Variants in SORCS2 observed in about 807,000 individuals in gnomAD.
SORCS2 encodes the protein sortilin related VPS10 domain containing receptor 2.
SORCS2 carries 100 observed loss-of-function variants against 141.6 expected under a neutral mutation model. The observed-to-expected ratio is 0.71, with a 90% CI of 0.60 to 0.83. The LOEUF is 0.83. SORCS2 is among the 40% of genes least tolerant of loss of function. The pLI, the probability that SORCS2 is intolerant of heterozygous loss-of-function variation, is 0.00. For missense variants in SORCS2, 1,646 were observed against 1,560.2 expected, an observed-to-expected ratio of 1.05 and a Z score of -0.93; for synonymous variants, 789 against 676.9, an observed-to-expected ratio of 1.17 and a Z score of -2.57.
chr4:7,298,156 G>A (rs540253302), intron 1 of SORCS2, among the ~76,000 whole-genome samples: 1 of 152,318 alleles, frequency 6.6e-6, no homozygotes, highest in South Asian at 2.1e-4. Context: ...GCGTGGCCTT[G>A]GAGGCTGTGT....
intron 3 of SORCS2, among the ~76,000 whole-genome samples, chr4:7,602,343 C>T (rs931630246): frequency 6.6e-6 from 1 of 151,758 alleles, no homozygotes; most frequent in Non-Finnish European, 1.5e-5. Context: ...GGCGGAGACG[C>T]TCCTCACTTC....
intron 8 of SORCS2, among the ~76,000 whole-genome samples, 157 bp downstream of exon 8, chr4:7,667,370 C>G (rs1373151520): frequency 6.6e-6 from 1 of 152,198 alleles, no homozygotes. Context: ...ACCCCTCACA[C>G]CCTCCATTCC....
intron 4 of SORCS2, among the ~76,000 whole-genome samples, chr4:7,638,930 G>T (rs996779301): frequency 6.6e-6 from 1 of 152,206 alleles, no homozygotes; most frequent in African/African-American, 2.4e-5. Context: ...GCGGTGGCTT[G>T]TTCTTCCCCA....
chr4:7,328,994 G>GC (rs907555051), intron 1 of SORCS2, among the ~76,000 whole-genome samples: 48 of 152,318 alleles, frequency 3.2e-4, no homozygotes, highest in African/African-American at 1.0e-3. Flanking sequence ...GAGGTGTGTG[G>GC]CCCCCCGAGG....
At chr4:7,195,421 C>T (rs890296027) in intron 1 of SORCS2, among the ~76,000 whole-genome samples, 8 of 151,948 alleles carry the variant, frequency 5.3e-5, no homozygotes. Flanking sequence ...TGTGGGTGTC[C>T]GTGGGGTCAG....
chr4:7,539,821 C>T (rs1275696274), intron 3 of SORCS2, among the ~76,000 whole-genome samples: 1 of 151,220 alleles, frequency 6.6e-6, no homozygotes, highest in African/African-American at 2.4e-5. Context: ...GTGGAGGCCC[C>T]ACCCCTTCCT....
intron 2 of SORCS2, among the ~76,000 whole-genome samples, chr4:7,437,489 C>T (rs1036855176): frequency 6.6e-6 from 1 of 152,124 alleles, no homozygotes; most frequent in Non-Finnish European, 1.5e-5. Flanking sequence ...CACCCCTTCC[C>T]AGAGGCCAGG....
chr4:7,520,857 AG>A (rs1733285055), intron 2 of SORCS2, among the ~76,000 whole-genome samples: 1 of 152,178 alleles, frequency 6.6e-6, no homozygotes, highest in African/African-American at 2.4e-5. Flanking sequence ...GCTGCAGTCA[AG>A]GTCCAGCTGC....
At chr4:7,420,786 A>G (rs1725989041) in intron 2 of SORCS2, among the ~76,000 whole-genome samples, 1 of 151,980 alleles carries the variant, frequency 6.6e-6, no homozygotes, top group South Asian at 2.1e-4. Context: ...GACCTTATCC[A>G]CCATGCCCCA....
Position 7,725,212 on chromosome 4 carries a change from G to A in SORCS2, c.2670G>A (p.Val890=). 6.2e-7 allele frequency: 1 copy of A among 1,613,632 alleles called. No individual in the cohort carries two copies. Among genetic ancestry groups the A allele is most frequent in the Non-Finnish European group, 8.5e-7 (1 of 1,179,662 alleles). The change falls in exon 20 of 27, where the codon GTG becomes GTA. Residue 890 remains valine, a synonymous_variant. Transcript: ENST00000507866. ...VVPVIGLNQE[V]NLTAVLLPLN... is the part of the protein sequence containing the mutation. ...CTGTCATTGGCCTCAACCAGGAGGT[G>A]AACCTCACAGCTGTGCTGCTTCCCT... is the stretch of plus-strand genomic sequence containing the variant.
chr4:7,192,936 G>A lies in SORCS2; in HGVS notation c.290G>A (p.Ser97Asn). Residue 97 changes from serine (S) to asparagine (N), a missense_variant, in exon 1 of 27, where the codon AGT becomes AAT. Ser to Asn is a conservative substitution (Grantham distance 46). Transcript: ENST00000507866. This position sits in a 1 kb window ranked among gnomAD's most constrained non-coding sequence, Gnocchi z 4.0. Reference protein sequence around the residue: ...RGTEPGAPGPSPGPAPGPGED... With the variant: ...RGTEPGAPGPNPGPAPGPGED... ...ACGGAGCCAGGCGCCCCGGGTCCGA[G>A]TCCCGGTCCCGCTCCTGGTCCCGGC... The A allele has an allele frequency of 3.1e-6, 4 of 1,291,230 alleles. No homozygotes were observed. 80.0% of individuals were successfully genotyped at this position (1,291,230 alleles called of 1,614,324 possible).
intron 2 of SORCS2, chr4:7,431,147 G>C (rs76781555): frequency 0.13 from 20,471 of 152,550 alleles, 1,466 homozygotes; most frequent in Non-Finnish European, 0.16. Context: ...TGGGTGTGCA[G>C]CTGGGCCTGT....
intron 1 of SORCS2, among the ~76,000 whole-genome samples, chr4:7,381,418 G>C (rs1168391417): frequency 1.3e-5 from 2 of 152,350 alleles, no homozygotes; most frequent in East Asian, 3.9e-4. Flanking sequence ...TTAGAGGCCA[G>C]CCTTCCCCGA....
chr4:7,729,833 T>G (rs1076226), intron 23 of SORCS2, 121 bp downstream of exon 23: 5 of 1,376,678 alleles, frequency 3.6e-6, no homozygotes, highest in Non-Finnish European at 4.9e-6. Flanking sequence ...TCGCTGCATC[T>G]CAGTCTGACT....
chr4:7,434,782 C>A (rs1018896998), intron 2 of SORCS2: 1 of 1,611,886 alleles, frequency 6.2e-7, no homozygotes, highest in Admixed American at 1.7e-5. Flanking sequence ...ATCCTGACAC[C>A]ACACCGTGGA....
intron 1 of SORCS2, among the ~76,000 whole-genome samples, chr4:7,300,082 C>A (rs866043640): frequency 1.3e-5 from 2 of 152,212 alleles, no homozygotes; most frequent in Non-Finnish European, 2.9e-5. Context: ...GCGCGCCCTC[C>A]GCCTGCTGAG....
chr4:7,314,833 GTTGTTGTTGTTT>G lies in SORCS2; in HGVS notation c.481-81439_481-81428del, dbSNP rs1336105163. Among the ~76,000 whole-genome samples the G allele has an allele frequency of 3.9e-3, 341 of 87,882 alleles. 2 individuals are homozygous for G. The highest frequency in any genetic ancestry group is 0.014 in the Middle Eastern group (2 of 138). 57.7% of individuals were successfully genotyped at this position (87,882 alleles called of 152,430 possible). ...TTTTTTTTTTTTTTTTTTTTTTATT[GTTGTTGTTGTTT>G]TTGTTGTTGTTTTTGAGATGGAGTT... is the stretch of plus-strand genomic sequence containing the variant. On this transcript the variant is annotated intron_variant, in intron 1 of 26. Coordinates refer to ENST00000507866, the MANE Select transcript of SORCS2 (RefSeq NM_020777.3).
chr4:7,699,909 C>A (rs1355560570), intron 12 of SORCS2, among the ~76,000 whole-genome samples: 2 of 152,178 alleles, frequency 1.3e-5, no homozygotes, highest in Admixed American at 1.3e-4. Context: ...CTCTAACGAG[C>A]CCCTGCCCCT....
chr4:7,287,267 C>T (rs540497088), intron 1 of SORCS2, among the ~76,000 whole-genome samples: 156 of 152,338 alleles, frequency 1.0e-3, no homozygotes, highest in African/African-American at 3.3e-3. Context: ...GACCACAAGG[C>T]GAGACCCTGG....
Sources: gnomAD v4.1 joint callset for allele counts (sites outside exome capture counted in the v4.1 genomes callset) on GRCh38, gnomAD v4.1.1 for gene constraint, Gnocchi (gnomAD v3.1) non-coding constraint, MANE v1.5 for transcripts, NCBI Gene and HGNC (gene_info 2026-07-23, HGNC 2026-07-21) for gene names.